Variants in LRP1B observed in about 807,000 individuals in gnomAD.
LRP1B encodes low-density lipoprotein receptor-related protein 1B.
Under a neutral mutation model 556.6 loss-of-function variants are expected in LRP1B, and 217 were observed. That is an observed-to-expected ratio of 0.39 (90% confidence interval 0.35 to 0.44). The LOEUF is 0.44. Ranked by LOEUF, LRP1B falls within the 20% of genes least tolerant of loss-of-function variation. The pLI, the probability that LRP1B is intolerant of heterozygous loss-of-function variation, is 1.00. For missense variants in LRP1B, 5,053 were observed against 5,620.8 expected (o/e 0.90, Z 3.23); for synonymous variants, 2,047 against 1,865.8 (o/e 1.10, Z -2.50).
chr2:141,329,611 T>C (rs1573813512), intron 3 of LRP1B, among the ~76,000 whole-genome samples: 1 of 133,594 alleles, frequency 7.5e-6, no homozygotes, highest in Non-Finnish European at 1.5e-5. Flanking sequence ...GCCACTGCGC[T>C]CCAGCCTGGG....
intron 31 of LRP1B, among the ~76,000 whole-genome samples, chr2:140,835,627 T>A (rs912608102): frequency 6.6e-6 from 1 of 152,182 alleles, no homozygotes; most frequent in African/African-American, 2.4e-5. Flanking sequence ...AACCTCCGCC[T>A]CCCAGGTTCA....
intron 35 of LRP1B, among the ~76,000 whole-genome samples, chr2:140,725,436 A>G (rs796476660): frequency 2.6e-4 from 39 of 151,488 alleles, no homozygotes; most frequent in African/African-American, 9.4e-4. Context: ...AACATGTCAT[A>G]AGGACATTTA....
intron 43 of LRP1B, among the ~76,000 whole-genome samples, chr2:140,562,564 A>G (rs939927722): frequency 2.6e-5 from 4 of 152,088 alleles, no homozygotes; most frequent in Admixed American, 6.6e-5. Flanking sequence ...TTTTCTCTCT[A>G]TATTGTAGCC....
intron 2 of LRP1B, among the ~76,000 whole-genome samples, chr2:141,481,675 C>T (rs1246430384): frequency 6.6e-6 from 1 of 152,142 alleles, no homozygotes; most frequent in African/African-American, 2.4e-5. Flanking sequence ...ATTCAACATG[C>T]ATTAGTTACA....
intron 21 of LRP1B, among the ~76,000 whole-genome samples, chr2:140,912,752 C>A (rs1360657393): frequency 6.6e-6 from 1 of 151,178 alleles, no homozygotes; most frequent in Admixed American, 6.6e-5. Context: ...AAAAAAAATC[C>A]CCAAAACCCA....
At chr2:140,259,568 AATG>A (rs1392329163) in intron 86 of LRP1B, among the ~76,000 whole-genome samples, 1 of 152,080 alleles carries the variant, frequency 6.6e-6, no homozygotes, top group African/African-American at 2.4e-5. Context: ...ATTATGATAG[AATG>A]ATAAGTGTAT....
chr2:141,849,520 C>G (rs1385155487), intron 1 of LRP1B, among the ~76,000 whole-genome samples: 1 of 151,584 alleles, frequency 6.6e-6, no homozygotes, highest in African/African-American at 2.4e-5. Context: ...TTCAAATCTA[C>G]TGTCTCATAA....
At chr2:140,793,265 G>C (rs1006451949) in intron 32 of LRP1B, among the ~76,000 whole-genome samples, 2 of 151,608 alleles carry the variant, frequency 1.3e-5, no homozygotes. Context: ...ATATGACTTC[G>C]ACTTTGATTT....
intron 66 of LRP1B, among the ~76,000 whole-genome samples, chr2:140,435,863 C>T (rs573638768): frequency 6.6e-6 from 1 of 152,014 alleles, no homozygotes; most frequent in Non-Finnish European, 1.5e-5. Context: ...TTTCCTGGTC[C>T]CATTCATACA....
At chr2:140,891,606 G>A (rs1468849359) in intron 23 of LRP1B, among the ~76,000 whole-genome samples, 2 of 152,058 alleles carry the variant, frequency 1.3e-5, no homozygotes, top group Admixed American at 6.6e-5. Flanking sequence ...AGTGGTAAAT[G>A]GTATATTATT....
chr2:142,031,332 T>TTTTTTTTA (rs1553506163), intron 1 of LRP1B, among the ~76,000 whole-genome samples: 4 of 122,514 alleles, frequency 3.3e-5, no homozygotes, highest in East Asian at 2.7e-4. Flanking sequence ...TTATACTTAT[T>TTTTTTTTA]TTTTTTTTTT....
chr2:140,746,367 A>G (rs1253712142), intron 35 of LRP1B, among the ~76,000 whole-genome samples: 1 of 152,214 alleles, frequency 6.6e-6, no homozygotes. Context: ...TAAGTTAAAA[A>G]TTTAGCAAAT....
chr2:140,299,089 T>C (rs1258147797), intron 83 of LRP1B, among the ~76,000 whole-genome samples: 1 of 152,106 alleles, frequency 6.6e-6, no homozygotes, highest in African/African-American at 2.4e-5. Context: ...TCTGTCATCT[T>C]TGTAGACACA....
intron 11 of LRP1B, among the ~76,000 whole-genome samples, chr2:141,035,121 C>T (rs574652640): frequency 1.1e-4 from 16 of 151,782 alleles, no homozygotes; most frequent in African/African-American, 2.9e-4. Flanking sequence ...AATCAAACAC[C>T]GCATGTTCTC....
At chr2:140,235,163 A>G (rs1680641333) in intron 89 of LRP1B, among the ~76,000 whole-genome samples, 1 of 151,168 alleles carries the variant, frequency 6.6e-6, no homozygotes, top group African/African-American at 2.4e-5. Flanking sequence ...TCCAAGTAAG[A>G]ATTGGCATGA....
chr2:140,470,097 T>C (rs151170049), intron 60 of LRP1B, among the ~76,000 whole-genome samples: 102 of 152,308 alleles, frequency 6.7e-4, no homozygotes, highest in Non-Finnish European at 1.3e-3. Context: ...ACAAAATAAA[T>C]ACTATGTGTA....
chr2:140,594,880 A>G (rs1015600046), intron 43 of LRP1B, among the ~76,000 whole-genome samples: 1 of 151,808 alleles, frequency 6.6e-6, no homozygotes, highest in African/African-American at 2.4e-5. Context: ...GTCTCTTCTT[A>G]TATTTCATGG....
intron 20 of LRP1B, among the ~76,000 whole-genome samples, chr2:140,924,146 A>T (rs1179204619): frequency 6.6e-6 from 1 of 151,980 alleles, no homozygotes; most frequent in Non-Finnish European, 1.5e-5. Flanking sequence ...GATTAATTTG[A>T]AGCAGGTTCA....
intron 7 of LRP1B, among the ~76,000 whole-genome samples, chr2:141,099,547 G>A (rs979330006): frequency 6.6e-6 from 1 of 152,164 alleles, no homozygotes; most frequent in African/African-American, 2.4e-5. Flanking sequence ...ACACAAATGT[G>A]CACACGTGTG....
Sources: allele counts gnomAD v4.1 joint callset (sites outside exome capture counted in the v4.1 genomes callset), GRCh38; gene constraint gnomAD v4.1.1; transcripts MANE v1.5; gene names NCBI Gene and HGNC (gene_info 2026-07-23, HGNC 2026-07-21).